Variants in ALDH7A1 observed in about 807,000 individuals in gnomAD.
ALDH7A1 encodes alpha-aminoadipic semialdehyde dehydrogenase.
A neutral mutation model predicts 79.9 loss-of-function variants in ALDH7A1; 63 were observed. The observed-to-expected ratio is 0.79, with a 90% CI of 0.64 to 0.97. The LOEUF is 0.97. ALDH7A1 is among the 50% of genes least tolerant of loss of function. The pLI, the probability that ALDH7A1 is intolerant of heterozygous loss-of-function variation, is 0.00. For missense variants in ALDH7A1, 627 were observed against 665.2 expected, an observed-to-expected ratio of 0.94 and a Z score of 0.63; for synonymous variants, 240 against 231.2, an observed-to-expected ratio of 1.04 and a Z score of -0.34.
intron 5 of ALDH7A1, chr5:126,580,016 G>T (rs1352620041): frequency 6.0e-6 from 1 of 167,472 alleles, no homozygotes; most frequent in Non-Finnish European, 1.5e-5. Context: ...TGTGAGGCAG[G>T]CATCATAGTA....
chr5:126,595,189 G>T lies in ALDH7A1; in HGVS notation c.10C>A (p.Leu4Ile), dbSNP rs1211626533. 1.9e-6 allele frequency: 3 copies of T among 1,552,054 alleles called. No homozygotes were observed. The highest frequency in any genetic ancestry group is 2.6e-6 in the Non-Finnish European group (3 of 1,147,190). The change falls in exon 1 of 18, where the codon CTT (leucine) becomes ATT (isoleucine). Residue 4 changes from leucine to isoleucine, a missense_variant. Coordinates refer to ENST00000409134, the MANE Select transcript of ALDH7A1 (RefSeq NM_001182.5). MWR[L>I]PRALCVHAAK... is the part of the protein sequence containing the mutation. ...GCGTGCACACACAGCGCGCGAGGAA[G>T]GCGCCACATACTGAGCCCGGGACTC...
chr5:126,560,664 A>T (rs1018254189), intron 10 of ALDH7A1, among the ~76,000 whole-genome samples: 4 of 152,194 alleles, frequency 2.6e-5, no homozygotes, highest in African/African-American at 9.7e-5. Flanking sequence ...GTTCCTTCCC[A>T]ATATAAAAAC....
At chr5:126,582,347 C>T (rs1450166141) in intron 5 of ALDH7A1, among the ~76,000 whole-genome samples, 3 of 152,144 alleles carry the variant, frequency 2.0e-5, no homozygotes, top group Non-Finnish European at 4.4e-5. Context: ...AAATAAAATC[C>T]TCCCGTAAAA....
intron 8 of ALDH7A1, 37 bp downstream of exon 8, chr5:126,570,745 T>C (rs748054987): frequency 6.3e-7 from 1 of 1,595,232 alleles, no homozygotes. Context: ...CAACCTGGGG[T>C]CCTTCAACAG....
chr5:126,593,989 C>T (rs902284458), intron 1 of ALDH7A1: 18 of 291,058 alleles, frequency 6.2e-5, no homozygotes, highest in South Asian at 5.0e-4. Context: ...CGTGTTCCCT[C>T]TACCAAGGCA....
chr5:126,542,910 C>T lies in ALDH7A1; in HGVS notation c.*2055G>A, dbSNP rs929331040. The stretch of plus-strand genomic sequence containing the variant: ...GGCTGCTAGGCTCAGCGAATGGATG[C>T]TCTCTCCAAGTACAGCAAGATCCTA... On this transcript the variant is annotated 3_prime_UTR_variant, in exon 18 of 18. Transcript: ENST00000409134. 6.6e-5 allele frequency: 10 copies of T among 152,206 alleles called. No homozygotes were observed. The highest frequency in any genetic ancestry group is 1.9e-4 in the African/African-American group (8 of 41,458). 9.4% of individuals were successfully genotyped at this position (152,206 alleles called of 1,614,324 possible). A position where few individuals can be genotyped will look rare whatever the true frequency, so the allele number is the denominator to read the frequency against.
chr5:126,555,769 G>T (rs1013701211), intron 12 of ALDH7A1, among the ~76,000 whole-genome samples, 162 bp downstream of exon 12: 1 of 152,118 alleles, frequency 6.6e-6, no homozygotes, highest in Non-Finnish European at 1.5e-5. Flanking sequence ...AGCCAGGGTC[G>T]AAACCTAGGA....
intron 1 of ALDH7A1, 129 bp downstream of exon 1, chr5:126,594,878 C>T: frequency 7.7e-6 from 10 of 1,292,284 alleles, no homozygotes; most frequent in Non-Finnish European, 1.1e-5. Context: ...AAAACTTTTA[C>T]TGTGGAGCTT....
intron 9 of ALDH7A1, 175 bp downstream of exon 9, chr5:126,568,084 G>T (rs954644626): frequency 1.6e-6 from 1 of 622,838 alleles, no homozygotes; most frequent in Admixed American, 2.7e-5. Context: ...TTAAATTTAG[G>T]ACTTCCCTAA....
chr5:126,562,072 C>A (rs546446813), intron 9 of ALDH7A1: 2 of 152,304 alleles, frequency 1.3e-5, no homozygotes, highest in East Asian at 3.9e-4. Context: ...GATATTTGTA[C>A]ACCAATATTC....
At chr5:126,570,252 A>T in intron 8 of ALDH7A1, 1 of 158,954 alleles carries the variant, frequency 6.3e-6, no homozygotes, top group South Asian at 1.8e-4. Context: ...TGAATATTTT[A>T]AAAACCACTA....
In ALDH7A1 at chr5:126,542,584, G is replaced by A. The variant is rs538927271; in HGVS notation, c.*2381C>T. 1.3e-5 allele frequency: 2 copies of A among 152,246 alleles called. No homozygotes were observed. Among genetic ancestry groups the A allele is most frequent in the Non-Finnish European group, 2.9e-5 (2 of 68,094 alleles). The allele number at this position is 152,246 out of a possible 1,614,324, so 9.4% of individuals were successfully genotyped here. On this transcript the variant is annotated 3_prime_UTR_variant, in exon 18 of 18. Transcript: ENST00000409134. ...GGAGCATGAGGTGGAAGGATAGATT[G>A]AGCCCAGGAGTTGGAGGCTGCAGTG...
intron 3 of ALDH7A1, chr5:126,584,363 C>CT: frequency 3.3e-6 from 1 of 306,532 alleles, no homozygotes; most frequent in Non-Finnish European, 6.2e-6. Flanking sequence ...GTTACTTTAC[C>CT]TAAAAGGATG....
chr5:126,590,019 G>A (rs1456768263), intron 3 of ALDH7A1, among the ~76,000 whole-genome samples: 23 of 135,612 alleles, frequency 1.7e-4, no homozygotes, highest in African/African-American at 6.5e-4. Flanking sequence ...GGGAAGTGAG[G>A]AGTGCCTCTG....
At chr5:126,588,236 G>C (rs1298181530) in intron 3 of ALDH7A1, 2 of 152,096 alleles carry the variant, frequency 1.3e-5, no homozygotes, top group Non-Finnish European at 2.9e-5. Context: ...TTGGGAGGCA[G>C]AGGTGGGCAG....
At chr5:126,576,859 G>A (rs953173482) in intron 6 of ALDH7A1, among the ~76,000 whole-genome samples, 6 of 152,130 alleles carry the variant, frequency 3.9e-5, no homozygotes, top group Admixed American at 6.5e-5. Context: ...CCTGGGAGGC[G>A]GAGGTTGCAG....
At chr5:126,583,522 T>C (rs1407049427) in intron 4 of ALDH7A1, among the ~76,000 whole-genome samples, 2 of 148,864 alleles carry the variant, frequency 1.3e-5, no homozygotes, top group Non-Finnish European at 3.0e-5. Context: ...AAATATAATA[T>C]AATATAAATT....
At chr5:126,570,588 A>G in intron 8 of ALDH7A1, 194 bp downstream of exon 8, 1 of 627,740 alleles carries the variant, frequency 1.6e-6, no homozygotes, top group Non-Finnish European at 2.8e-6. Context: ...AATTAAAAAG[A>G]CAATTCTTAT....
At chr5:126,582,281 T>G (rs1294359883) in intron 5 of ALDH7A1, 1 of 394,786 alleles carries the variant, frequency 2.5e-6, no homozygotes, top group Non-Finnish European at 4.5e-6. Flanking sequence ...TATTTTCTGA[T>G]ATGAATCTAT....
Sources: gnomAD v4.1 joint callset for allele counts (sites outside exome capture counted in the v4.1 genomes callset) on GRCh38, gnomAD v4.1.1 for gene constraint, MANE v1.5 for transcripts, NCBI Gene and HGNC (gene_info 2026-07-23, HGNC 2026-07-21) for gene names.